The following MAP1LC3B variants were observed in gnomAD, a reference collection of about 807,000 sequenced individuals.
MAP1LC3B encodes microtubule-associated protein 1 light chain 3 beta.
Under a neutral mutation model 16.7 loss-of-function variants are expected in MAP1LC3B, and 12 were observed. That is an observed-to-expected ratio of 0.72 (90% CI 0.46 to 1.16). The LOEUF is 1.16. Among genes scored for constraint, MAP1LC3B ranks in the 50% most tolerant of loss-of-function variants. The probability of loss-of-function intolerance (pLI) is 0.00; values close to 1 mark genes in which losing one functional copy is unlikely to be tolerated. For missense variants in MAP1LC3B, 155 were observed against 159.5 expected, an observed-to-expected ratio of 0.97 and a Z score of 0.15; for synonymous variants, 63 against 56.5, an observed-to-expected ratio of 1.11 and a Z score of -0.51.
chr16:87,401,326 C>G (rs1340621355), intron 2 of MAP1LC3B, among the ~76,000 whole-genome samples: 1 of 152,082 alleles, frequency 6.6e-6, no homozygotes, highest in East Asian at 1.9e-4. Flanking sequence ...GATACATAGC[C>G]AAGTATCTTC....
chr16:87,399,261 C>G (rs1361495572), intron 2 of MAP1LC3B: 2 of 265,420 alleles, frequency 7.5e-6, no homozygotes, highest in African/African-American at 4.5e-5. Context: ...GATCCTCCAC[C>G]TTGACCTCTC....
intron 1 of MAP1LC3B, chr16:87,393,205 T>C (rs1907668690): frequency 6.6e-6 from 1 of 152,276 alleles, no homozygotes; most frequent in Non-Finnish European, 1.5e-5. Context: ...GAAACCCAGC[T>C]TAGGTGTGCT....
intron 1 of MAP1LC3B, 65 bp downstream of exon 1, chr16:87,392,532 G>A (rs1292770890): frequency 8.7e-5 from 106 of 1,220,962 alleles, no homozygotes; most frequent in Non-Finnish European, 1.0e-4. Context: ...AGGGCGGCAG[G>A]GCCTGGGACG....
chr16:87,401,567 C>T (rs1597391263), intron 2 of MAP1LC3B, among the ~76,000 whole-genome samples: 1 of 152,234 alleles, frequency 6.6e-6, no homozygotes, highest in Non-Finnish European at 1.5e-5. Flanking sequence ...CAGTCTAGCT[C>T]TATGCCCTAG....
intron 1 of MAP1LC3B, among the ~76,000 whole-genome samples, chr16:87,395,667 G>A (rs1907772719): frequency 6.6e-6 from 1 of 152,104 alleles, no homozygotes; most frequent in African/African-American, 2.4e-5. Flanking sequence ...GCTCCTATGG[G>A]ACTTGGGTGT....
intron 1 of MAP1LC3B, among the ~76,000 whole-genome samples, chr16:87,394,226 T>A (rs774966779): frequency 8.5e-5 from 13 of 152,094 alleles, no homozygotes; most frequent in Admixed American, 6.6e-4. Context: ...TTTGTAGAAA[T>A]GTGTCAAATA....
rs1908046997 is a variant in MAP1LC3B at position 87,402,929 on chromosome 16, C to G, written c.210C>G (p.Arg70=). ...CGTTGTTTTCTTTCAATAGAAGGCG[C>G]TTACAGCTCAATGCTAATCAGGCCT... The part of the protein sequence containing the change: ...MSELIKIIRR[R]LQLNANQAFF... Residue 70 remains arginine, a synonymous_variant, in exon 4 of 4, where the codon CGC becomes CGG. Transcript: ENST00000268607. 6.2e-7 allele frequency: 1 copy of G among 1,613,718 alleles called. No homozygotes were observed. Among genetic ancestry groups the G allele is most frequent in the Non-Finnish European group, 8.5e-7 (1 of 1,179,854 alleles).
intron 1 of MAP1LC3B, among the ~76,000 whole-genome samples, chr16:87,397,478 C>T (rs552400993): frequency 1.3e-4 from 20 of 152,148 alleles, no homozygotes; most frequent in Non-Finnish European, 2.4e-4. Context: ...ATTAGCCGAG[C>T]ATGGTGTCGG....
intron 1 of MAP1LC3B, chr16:87,392,911 G>T (rs1019339477): frequency 6.6e-6 from 1 of 152,040 alleles, no homozygotes; most frequent in African/African-American, 2.4e-5. Flanking sequence ...CGGCTCTGAA[G>T]CGGGGCTGCG....
At chr16:87,395,409 G>A (rs1270801087) in intron 1 of MAP1LC3B, among the ~76,000 whole-genome samples, 4 of 152,216 alleles carry the variant, frequency 2.6e-5, no homozygotes, top group African/African-American at 9.6e-5. Flanking sequence ...GACTGCCAGC[G>A]GGGCAGTCTG....
intron 3 of MAP1LC3B, chr16:87,402,698 A>T (rs1402695518): frequency 2.0e-5 from 12 of 608,022 alleles, no homozygotes; most frequent in Non-Finnish European, 2.5e-5. Context: ...ACAGCTGTTC[A>T]GACAGTATAC....
Position 87,404,613 on chromosome 16 carries a change from C to T in MAP1LC3B, c.*1516C>T, listed in dbSNP as rs1195826499. On this transcript the variant is annotated 3_prime_UTR_variant, in exon 4 of 4. Transcript: ENST00000268607. ...TCATATCTGACATTATTGTAACTAC[C>T]GTGTGATCAGTAAGATTCCTGTAAG... The T allele has an allele frequency of 6.6e-6, 1 of 152,054 alleles. No homozygotes were observed. Among genetic ancestry groups the T allele is most frequent in the Non-Finnish European group, 1.5e-5 (1 of 68,028 alleles). The allele number at this position is 152,054 out of a possible 1,614,324, so 9.4% of individuals were successfully genotyped here.
At position 87,404,339 on chromosome 16, in the gene MAP1LC3B, TAGC is replaced by T. The variant is rs1908101002; in HGVS notation, c.*1245_*1247del. The T allele has an allele frequency of 1.3e-5, 2 of 152,196 alleles. No homozygotes were observed. The highest frequency in any genetic ancestry group is 4.8e-5 in the African/African-American group (2 of 41,444). The allele number at this position is 152,196 out of a possible 1,614,324, so 9.4% of individuals were successfully genotyped here. ...ATTACACCACTTTAGACCCTATGTG[TAGC>T]AGGTCACAACTTACCCTTGTGTGTT... On this transcript the variant is annotated 3_prime_UTR_variant, in exon 4 of 4. Coordinates refer to ENST00000268607, the MANE Select transcript of MAP1LC3B (RefSeq NM_022818.5).
chr16:87,402,460 T>A, intron 3 of MAP1LC3B, 179 bp downstream of exon 3: 1 of 656,762 alleles, frequency 1.5e-6, no homozygotes, highest in Non-Finnish European at 2.5e-6. Context: ...AATGTTTCTT[T>A]TTTTGAGGTT....
chr16:87,404,393 C>T lies in MAP1LC3B; in HGVS notation c.*1296C>T, dbSNP rs1192021733. On this transcript the variant is annotated 3_prime_UTR_variant, in exon 4 of 4. Coordinates refer to ENST00000268607, the MANE Select transcript of MAP1LC3B (RefSeq NM_022818.5). ...TAGATGTGTATGAAATACCTGTATACGTTAGTGAAAGCTGTTTACTGTAAC... is the reference window on the plus strand; with the variant it reads ...TAGATGTGTATGAAATACCTGTATATGTTAGTGAAAGCTGTTTACTGTAAC... 2 of 152,068 alleles carry T rather than the reference C, an allele frequency of 1.3e-5. No individual in the cohort carries two copies. Among genetic ancestry groups the T allele is most frequent in the Non-Finnish European group, 2.9e-5 (2 of 68,008 alleles). The allele number at this position is 152,068 out of a possible 1,614,324, so 9.4% of individuals were successfully genotyped here. A position where few individuals can be genotyped will look rare whatever the true frequency, so the allele number is the denominator to read the frequency against.
At chr16:87,397,803 T>C (rs77615431) in intron 1 of MAP1LC3B, among the ~76,000 whole-genome samples, 5,734 of 146,212 alleles carry the variant, frequency 0.039, 160 homozygotes, top group Non-Finnish European at 0.061. Flanking sequence ...ATTTTGCTCA[T>C]TTTTTTTTTT....
chr16:87,399,790 T>C (rs1907922538), intron 2 of MAP1LC3B: 1 of 306,676 alleles, frequency 3.3e-6, no homozygotes, highest in Non-Finnish European at 6.4e-6. Context: ...TTTATTTATT[T>C]TGAGACGGAG....
chr16:87,392,447 T>C lies in MAP1LC3B; in HGVS notation c.20T>C (p.Phe7Ser), dbSNP rs1367485018. 7.1e-7 allele frequency: 1 copy of C among 1,398,878 alleles called. No homozygotes were observed. The highest frequency in any genetic ancestry group is 9.2e-7 in the Non-Finnish European group (1 of 1,085,936). The allele number at this position is 1,398,878 out of a possible 1,614,324, so 86.7% of individuals were successfully genotyped here. The change falls in exon 1 of 4, where the codon TTC becomes TCC. Residue 7 changes from phenylalanine to serine, a missense_variant. Coordinates refer to ENST00000268607, the MANE Select transcript of MAP1LC3B (RefSeq NM_022818.5). ...TGCACCATGCCGTCGGAGAAGACCT[T>C]CAAGCAGCGCCGCACCTTCGGTGAG... The part of the protein sequence containing the change: MPSEKT[F>S]KQRRTFEQRV...
chr16:87,399,650 A>C (rs1779194992), intron 2 of MAP1LC3B: 1 of 455,168 alleles, frequency 2.2e-6, no homozygotes, highest in African/African-American at 2.0e-5. Flanking sequence ...CAGTAAACAC[A>C]GACACTAATG....
Sources: allele counts gnomAD v4.1 joint callset (sites outside exome capture counted in the v4.1 genomes callset), GRCh38; gene constraint gnomAD v4.1.1; transcripts MANE v1.5; gene names NCBI Gene and HGNC (gene_info 2026-07-23, HGNC 2026-07-21).